Variants in UNC5D observed in about 807,000 individuals in gnomAD.
The protein encoded by UNC5D is netrin receptor UNC5D.
UNC5D carries 39 observed loss-of-function variants against 105.4 expected under a neutral mutation model. The ratio of observed to expected loss-of-function variants is 0.37; its 90% confidence interval spans 0.29 to 0.48. The LOEUF (loss-of-function observed/expected upper bound fraction) is 0.48, where lower values mean the gene tolerates loss of function less well. UNC5D is among the 20% of genes least tolerant of loss of function. The probability of loss-of-function intolerance (pLI) is 0.98; values close to 1 mark genes in which losing one functional copy is unlikely to be tolerated. For synonymous variants in UNC5D, 452 were observed against 450.4 expected, an observed-to-expected ratio of 1.00 and a Z score of -0.04; for missense variants, 991 against 1,202.4, an observed-to-expected ratio of 0.82 and a Z score of 2.60.
At chr8:35,541,962 AT>A (rs1381974488) in intron 1 of UNC5D, among the ~76,000 whole-genome samples, 2 of 151,724 alleles carry the variant, frequency 1.3e-5, no homozygotes, top group Non-Finnish European at 2.9e-5. Context: ...TGGCTCTTTG[AT>A]TTCTTTGAAT....
At chr8:35,478,333 C>T (rs772875175) in intron 1 of UNC5D, among the ~76,000 whole-genome samples, 2 of 152,096 alleles carry the variant, frequency 1.3e-5, no homozygotes, top group Non-Finnish European at 2.9e-5. Context: ...AACCTTTAAA[C>T]TTGATGTCAA....
intron 7 of UNC5D, among the ~76,000 whole-genome samples, chr8:35,687,231 CAGGAG>C (rs1826068723): frequency 6.6e-6 from 1 of 152,132 alleles, no homozygotes; most frequent in African/African-American, 2.4e-5. Context: ...ATCGCGAGGT[CAGGAG>C]ATCGAGACCA....
At chr8:35,480,060 G>C (rs576251175) in intron 1 of UNC5D, among the ~76,000 whole-genome samples, 2 of 152,184 alleles carry the variant, frequency 1.3e-5, no homozygotes, top group Non-Finnish European at 2.9e-5. Context: ...AGTTATCAGT[G>C]AAGTGTCATA....
In UNC5D at chr8:35,235,670, A is replaced by G. The variant is rs1269194250; in HGVS notation, c.-115A>G. ...CTGCTTTAGGAAGCGATCGTGGAGC[A>G]GAGTCACTCTCTGAAGACTCCCGAG... On this transcript the variant is annotated 5_prime_UTR_variant, in exon 1 of 17. Transcript: ENST00000404895. The G allele has an allele frequency of 2.4e-5, 18 of 757,936 alleles. No homozygotes were observed. The highest frequency in any genetic ancestry group is 3.0e-4 in the Middle Eastern group (1 of 3,346). The allele number at this position is 757,936 out of a possible 1,614,324, so 47.0% of individuals were successfully genotyped here.
chr8:35,633,159 G>A (rs546622089), intron 4 of UNC5D, among the ~76,000 whole-genome samples: 2 of 152,272 alleles, frequency 1.3e-5, no homozygotes, highest in South Asian at 4.1e-4. Flanking sequence ...ATATTTCAGG[G>A]CTCCTTGACA....
chr8:35,709,181 G>C (rs1158202731), intron 8 of UNC5D, among the ~76,000 whole-genome samples: 1 of 151,982 alleles, frequency 6.6e-6, no homozygotes, highest in Non-Finnish European at 1.5e-5. Flanking sequence ...GCTAGGAGGT[G>C]TTCTGGGTGG....
chr8:35,515,522 T>G (rs1470507352), intron 1 of UNC5D, among the ~76,000 whole-genome samples: 2 of 152,052 alleles, frequency 1.3e-5, no homozygotes, highest in Non-Finnish European at 2.9e-5. Flanking sequence ...TCGTCTCTAC[T>G]AAAAATACAA....
At chr8:35,307,789 A>G (rs1808535322) in intron 1 of UNC5D, among the ~76,000 whole-genome samples, 1 of 152,154 alleles carries the variant, frequency 6.6e-6, no homozygotes, top group South Asian at 2.1e-4. Flanking sequence ...CTACACATGC[A>G]TATGGAAATG....
At chr8:35,511,730 TA>T (rs931275368) in intron 1 of UNC5D, among the ~76,000 whole-genome samples, 20 of 129,852 alleles carry the variant, frequency 1.5e-4, no homozygotes, top group African/African-American at 3.2e-4. Flanking sequence ...GCTGATGAGC[TA>T]AAAAAAAAAT....
chr8:35,733,145 C>T (rs532626091), intron 11 of UNC5D, among the ~76,000 whole-genome samples: 7 of 152,106 alleles, frequency 4.6e-5, no homozygotes, highest in African/African-American at 1.2e-4. Context: ...CTGAAACCTT[C>T]CCAGATGTTA....
At chr8:35,525,716 C>T (rs966837157) in intron 1 of UNC5D, 113 of 1,591,550 alleles carry the variant, frequency 7.1e-5, no homozygotes, top group Middle Eastern at 6.6e-4. Flanking sequence ...ACGTCCGGCA[C>T]GACACCTGGC....
At chr8:35,549,236 CTGGTGTA>C (rs746443368) in intron 1 of UNC5D, 49 bp from the exon 2 acceptor site, 19 of 1,555,662 alleles carry the variant, frequency 1.2e-5, no homozygotes, top group Non-Finnish European at 1.7e-5. Flanking sequence ...CCATTGTGTC[CTGGTGTA>C]TGTGCTATCA....
At chr8:35,662,217 G>C (rs1393086795) in intron 4 of UNC5D, among the ~76,000 whole-genome samples, 1 of 151,224 alleles carries the variant, frequency 6.6e-6, no homozygotes, top group Non-Finnish European at 1.5e-5. Context: ...GTGCGTAGTG[G>C]TTTAGACTGA....
At chr8:35,269,008 T>C (rs1805088072) in intron 1 of UNC5D, among the ~76,000 whole-genome samples, 1 of 152,192 alleles carries the variant, frequency 6.6e-6, no homozygotes, top group African/African-American at 2.4e-5. Context: ...TGGGTAACCA[T>C]AGTTTACATT....
chr8:35,432,811 C>T (rs753174075), intron 1 of UNC5D, among the ~76,000 whole-genome samples: 5 of 152,126 alleles, frequency 3.3e-5, no homozygotes, highest in African/African-American at 4.8e-5. Context: ...ACTGTCCTGC[C>T]GGAGTACTTT....
chr8:35,539,156 A>G (rs1017529699), intron 1 of UNC5D, among the ~76,000 whole-genome samples: 1 of 152,180 alleles, frequency 6.6e-6, no homozygotes, highest in African/African-American at 2.4e-5. Context: ...TGTTCTATGT[A>G]TACAAAACCA....
chr8:35,398,590 C>CA (rs2128947834), intron 1 of UNC5D, among the ~76,000 whole-genome samples: 1 of 151,884 alleles, frequency 6.6e-6, no homozygotes, highest in East Asian at 1.9e-4. Context: ...CATCTCCCCC[C>CA]ACATTGAAGT....
chr8:35,426,592 C>A lies in UNC5D; in HGVS notation c.104-122700C>A, dbSNP rs535972669. On this transcript the variant is annotated intron_variant, in intron 1 of 16. Transcript: ENST00000404895. Reference sequence around the variant, plus strand: ...TAACTTAATGTAATCAGTAAAATATCCTGCAGTTGTTTTATGGGGATGTCC... The same window carrying A: ...TAACTTAATGTAATCAGTAAAATATACTGCAGTTGTTTTATGGGGATGTCC... 2.7e-3 allele frequency among the ~76,000 whole-genome samples: 405 copies of A among 152,196 alleles called. 2 individuals are homozygous for A. Among genetic ancestry groups the A allele is most frequent in the African/African-American group, 9.4e-3 (389 of 41,522 alleles).
intron 4 of UNC5D, among the ~76,000 whole-genome samples, chr8:35,656,588 G>A (rs1257811701): frequency 2.0e-5 from 3 of 152,116 alleles, no homozygotes; most frequent in Admixed American, 2.0e-4. Context: ...AGCATAGAGA[G>A]AGTCACTTCC....
Sources: allele counts gnomAD v4.1 joint callset (sites outside exome capture counted in the v4.1 genomes callset), GRCh38; gene constraint gnomAD v4.1.1; transcripts MANE v1.5; gene names NCBI Gene and HGNC (gene_info 2026-07-23, HGNC 2026-07-21).